Variants in RPS6KA6 observed in about 807,000 individuals in gnomAD.
The protein encoded by RPS6KA6 is ribosomal protein S6 kinase alpha-6.
A neutral mutation model predicts 65.4 loss-of-function variants in RPS6KA6; 27 were observed. The observed-to-expected ratio is 0.41, with a 90% CI of 0.30 to 0.57. The LOEUF is 0.57. RPS6KA6 is among the 20% of genes least tolerant of loss of function. RPS6KA6 has a pLI of 0.24. For synonymous variants in RPS6KA6, 190 were observed against 184.2 expected (o/e 1.03, Z -0.26); for missense variants, 486 against 555.6 (o/e 0.87, Z 1.26).
Position 84,119,763 on chromosome X carries a change from T to C in RPS6KA6, c.789+122A>G, listed in dbSNP as rs192417196. On this transcript the variant is annotated intron_variant, in intron 9 of 21. Coordinates refer to ENST00000262752, the MANE Select transcript of RPS6KA6 (RefSeq NM_014496.5). ...AGCTAGCCAATCACAAGGTTTTTGG[T>C]GTTAATTATAAATTATCAGAACCCC... is the stretch of plus-strand genomic sequence containing the variant. The C allele has an allele frequency of 7.6e-3, 3,157 of 415,442 alleles. 57 individuals are homozygous for C. The highest frequency in any genetic ancestry group is 3.4e-3 in the Non-Finnish European group (890 of 263,790). 34.2% of individuals were successfully genotyped at this position (415,442 alleles called of 1,213,427 possible).
At chrX:84,183,358 C>G (rs972257020) in intron 1 of RPS6KA6, among the ~76,000 whole-genome samples, 1 of 111,632 alleles carries the variant, frequency 9.0e-6, no homozygotes, top group Non-Finnish European at 1.9e-5. Flanking sequence ...TGTACTAGTT[C>G]AAAAATCTCA....
chrX:84,165,737 A>C (rs1454231824), intron 1 of RPS6KA6, among the ~76,000 whole-genome samples: 1 of 111,232 alleles, frequency 9.0e-6, no homozygotes, highest in Non-Finnish European at 1.9e-5. Context: ...GGAAGCAGGA[A>C]AAGAGGTCCC....
At chrX:84,187,527 C>G in intron 1 of RPS6KA6, 1 of 248,870 alleles carries the variant, frequency 4.0e-6, no homozygotes. Context: ...CCCAGTTCCC[C>G]TTCGGGTCGG....
intron 3 of RPS6KA6, among the ~76,000 whole-genome samples, chrX:84,153,037 A>G (rs2035355271): frequency 9.0e-6 from 1 of 111,460 alleles, no homozygotes; most frequent in Non-Finnish European, 1.9e-5. Context: ...ATATTTTCCT[A>G]TAAGAATATT....
intron 2 of RPS6KA6, 152 bp from the exon 3 acceptor site, chrX:84,156,343 T>C: frequency 2.5e-6 from 1 of 398,534 alleles, no homozygotes; most frequent in East Asian, 4.0e-5. Flanking sequence ...CCCTGTTTTC[T>C]AACACATACA....
chrX:84,176,645 A>AT (rs1250071481), intron 1 of RPS6KA6, among the ~76,000 whole-genome samples: 1 of 109,730 alleles, frequency 9.1e-6, no homozygotes, highest in African/African-American at 3.3e-5. Context: ...AAACATGTTA[A>AT]TTCCCATTTT....
chrX:84,079,967 G>A lies in RPS6KA6; in HGVS notation c.1972-14856C>T, dbSNP rs888809303. Reference sequence around the variant, plus strand: ...CAGTGGATCTCCCAGCGCAGCGCTCGAGCTCTACTAAGGGACAGACTGCCT... The same window carrying A: ...CAGTGGATCTCCCAGCGCAGCGCTCAAGCTCTACTAAGGGACAGACTGCCT... On this transcript the variant is annotated intron_variant, in intron 20 of 21. Transcript: ENST00000262752. Among the ~76,000 whole-genome samples the A allele has an allele frequency of 3.6e-5, 4 of 111,846 alleles. No individual in the cohort carries two copies. In the Admixed American group the frequency reaches 3.8e-4, roughly 11 times the overall value.
At chrX:84,079,017 C>T (rs944019410) in intron 20 of RPS6KA6, among the ~76,000 whole-genome samples, 2 of 111,535 alleles carry the variant, frequency 1.8e-5, no homozygotes, top group African/African-American at 6.5e-5. Context: ...TTCTTGAGGG[C>T]TGATAAGATG....
chrX:84,159,449 TA>T (rs2035475856), intron 2 of RPS6KA6, among the ~76,000 whole-genome samples: 1 of 110,823 alleles, frequency 9.0e-6, no homozygotes, highest in Non-Finnish European at 1.9e-5. Flanking sequence ...AAATCATCCT[TA>T]AAAAAATTCC....
intron 18 of RPS6KA6, among the ~76,000 whole-genome samples, chrX:84,100,960 TTAAAA>T (rs1276982774): frequency 9.0e-6 from 1 of 110,709 alleles, no homozygotes; most frequent in African/African-American, 3.3e-5. Flanking sequence ...AGTAGCTACT[TTAAAA>T]TAAAGACTGA....
At chrX:84,151,663 C>T (rs1402083212) in intron 3 of RPS6KA6, among the ~76,000 whole-genome samples, 3 of 111,562 alleles carry the variant, frequency 2.7e-5, no homozygotes, top group Admixed American at 9.6e-5. Context: ...TATTTTGTTA[C>T]GTGGCTAAGG....
At chrX:84,110,311 C>T (rs1473121888) in intron 12 of RPS6KA6, among the ~76,000 whole-genome samples, 4 of 112,039 alleles carry the variant, frequency 3.6e-5, no homozygotes, top group Non-Finnish European at 5.6e-5. Context: ...ACTCCCCCAA[C>T]CATGCCTGTC....
intron 8 of RPS6KA6, among the ~76,000 whole-genome samples, chrX:84,122,808 G>A (rs888384370): frequency 1.8e-5 from 2 of 111,424 alleles, no homozygotes; most frequent in Non-Finnish European, 3.8e-5. Context: ...TACTAGTGTT[G>A]AACTGGAATT....
chrX:84,137,259 T>A (rs944888445), intron 6 of RPS6KA6, among the ~76,000 whole-genome samples: 1 of 111,963 alleles, frequency 8.9e-6, no homozygotes, highest in Non-Finnish European at 1.9e-5. Context: ...TAATACTATA[T>A]CATAAGCATT....
chrX:84,097,668 T>A, intron 19 of RPS6KA6, 104 bp downstream of exon 19: 1 of 488,783 alleles, frequency 2.0e-6, no homozygotes, highest in Non-Finnish European at 3.4e-6. Context: ...GAAATGTAAA[T>A]GTCATTTTCC....
intron 2 of RPS6KA6, among the ~76,000 whole-genome samples, chrX:84,157,771 T>A (rs1470775823): frequency 9.0e-6 from 1 of 111,109 alleles, no homozygotes; most frequent in Non-Finnish European, 1.9e-5. Context: ...TCAGTTTTTT[T>A]AGAAGTGTTC....
chrX:84,140,520 T>A (rs1397477816), intron 6 of RPS6KA6, among the ~76,000 whole-genome samples: 1 of 109,165 alleles, frequency 9.2e-6, no homozygotes, highest in Non-Finnish European at 1.9e-5. Context: ...GCAGATCACT[T>A]GAGGTCAGGA....
intron 11 of RPS6KA6, 28 bp downstream of exon 11, chrX:84,117,032 C>T: frequency 1.0e-6 from 1 of 959,820 alleles, no homozygotes; most frequent in Non-Finnish European, 1.4e-6. Context: ...GCAGTTACTT[C>T]TATAAAAGCT....
chrX:84,067,824 T>G (rs1031865933), intron 20 of RPS6KA6, among the ~76,000 whole-genome samples: 1 of 111,225 alleles, frequency 9.0e-6, no homozygotes, highest in African/African-American at 3.3e-5. Context: ...CATCAGATAC[T>G]CCAAGTTTGA....
Sources: gnomAD v4.1 joint callset for allele counts (sites outside exome capture counted in the v4.1 genomes callset) on GRCh38, gnomAD v4.1.1 for gene constraint, MANE v1.5 for transcripts, NCBI Gene and HGNC (gene_info 2026-07-23, HGNC 2026-07-21) for gene names.